SLC60A2: variants seen among roughly 807,000 people sequenced by gnomAD.
SLC60A2 encodes the protein solute carrier family 60 member 2, also known as major facilitator superfamily domain containing 4B.
At chr6:111,268,792 A>C in the SLC60A2 span, 4 of 152,250 alleles carry the variant, frequency 2.6e-5, no homozygotes, top group Non-Finnish European at 5.9e-5. Flanking sequence ...TCACCGATCC[A>C]GGGTTTCTCT....
chr6:111,259,399 C>A, the SLC60A2 span: 513 of 385,780 alleles, frequency 1.3e-3, 4 homozygotes, highest in African/African-American at 9.5e-3. Flanking sequence ...CTTCTCTGCC[C>A]CGGTTCCGGG....
chr6:111,275,330 G>C, the SLC60A2 span, among the ~76,000 whole-genome samples: 1 of 151,894 alleles, frequency 6.6e-6, no homozygotes, highest in African/African-American at 2.4e-5. Context: ...TTATGAGTTA[G>C]TTAACCAGTG....
chr6:111,259,345 C>A, the SLC60A2 span: 32 of 301,282 alleles, frequency 1.1e-4, no homozygotes, highest in Admixed American at 2.1e-4. Flanking sequence ...TGCTGGAGAG[C>A]GAGCGTCTTT....
At chr6:111,263,330 ATTG>A in the SLC60A2 span, among the ~76,000 whole-genome samples, 48 of 152,204 alleles carry the variant, frequency 3.2e-4, no homozygotes, top group African/African-American at 1.1e-3. Flanking sequence ...ATAATTTGTT[ATTG>A]TTAAGGAATT....
chr6:111,273,899 CT>C, the SLC60A2 span, among the ~76,000 whole-genome samples: 1 of 152,034 alleles, frequency 6.6e-6, no homozygotes, highest in Non-Finnish European at 1.5e-5. Context: ...TTTGTTATTT[CT>C]TTAATAGAGG....
chr6:111,276,609 C>T, the SLC60A2 span, among the ~76,000 whole-genome samples: 1 of 152,200 alleles, frequency 6.6e-6, no homozygotes, highest in South Asian at 2.1e-4. Flanking sequence ...GCTCTGTAGA[C>T]TAAGTATTAA....
the SLC60A2 span, chr6:111,277,978 C>T: frequency 1.3e-5 from 2 of 152,224 alleles, no homozygotes; most frequent in Non-Finnish European, 2.9e-5. Flanking sequence ...CATTTCTCAG[C>T]TCTTTCCCTT....
chr6:111,273,440 C>T, the SLC60A2 span, among the ~76,000 whole-genome samples: 13 of 151,798 alleles, frequency 8.6e-5, no homozygotes, highest in Non-Finnish European at 1.5e-4. Context: ...GTACTGTGTC[C>T]AGCCAGAAAA....
the SLC60A2 span, among the ~76,000 whole-genome samples, chr6:111,261,258 C>T: frequency 1.3e-5 from 2 of 152,228 alleles, no homozygotes; most frequent in South Asian, 2.1e-4. Flanking sequence ...GGAAGGACTC[C>T]ATGTGCATCC....
chr6:111,279,307 G>A, the SLC60A2 span, among the ~76,000 whole-genome samples: 7 of 151,270 alleles, frequency 4.6e-5, no homozygotes, highest in African/African-American at 1.2e-4. Flanking sequence ...TATTGCCCAG[G>A]CTGGAGTGCA....
the SLC60A2 span, chr6:111,265,971 C>G: frequency 6.2e-7 from 1 of 1,614,004 alleles, no homozygotes; most frequent in African/African-American, 1.3e-5. Context: ...CTTTTTGGCT[C>G]CACTGCTAGC....
chr6:111,279,696 A>G, the SLC60A2 span, among the ~76,000 whole-genome samples: 4 of 152,202 alleles, frequency 2.6e-5, no homozygotes, highest in African/African-American at 9.6e-5. Context: ...TTGCCCTTCT[A>G]GGCAGGTTTT....
chr6:111,264,787 CAAA>C, the SLC60A2 span, among the ~76,000 whole-genome samples: 5 of 121,006 alleles, frequency 4.1e-5, no homozygotes, highest in Admixed American at 8.2e-5. Context: ...GACTCCATCT[CAAA>C]AAAAAAAAAA....
chr6:111,276,085 T>C, the SLC60A2 span, among the ~76,000 whole-genome samples: 2 of 152,252 alleles, frequency 1.3e-5, no homozygotes, highest in African/African-American at 4.8e-5. Flanking sequence ...AGGATCATCC[T>C]TGTTGTAGCA....
chr6:111,269,752 T>C, the SLC60A2 span: 1 of 152,136 alleles, frequency 6.6e-6, no homozygotes, highest in Non-Finnish European at 1.5e-5. Flanking sequence ...ATTCACTATG[T>C]TTCCACACAC....
the SLC60A2 span, chr6:111,262,339 T>C: frequency 1.2e-6 from 2 of 1,614,194 alleles, no homozygotes; most frequent in East Asian, 2.2e-5. Context: ...CTGTCTTTCA[T>C]TTTTGTGGGT....
chr6:111,278,507 C>A, the SLC60A2 span: 1 of 152,096 alleles, frequency 6.6e-6, no homozygotes, highest in African/African-American at 2.4e-5. Context: ...GTTGGAGGGA[C>A]CTGGTGGGAG....
the SLC60A2 span, chr6:111,268,222 GTT>G: frequency 1.3e-5 from 2 of 152,202 alleles, no homozygotes; most frequent in African/African-American, 2.4e-5. Flanking sequence ...TGTACTTAAT[GTT>G]TAATACCTTA....
the SLC60A2 span, among the ~76,000 whole-genome samples, chr6:111,271,359 A>G: frequency 5.9e-5 from 9 of 152,190 alleles, no homozygotes; most frequent in Admixed American, 5.2e-4. Context: ...CAATAAAGAC[A>G]TAAAATTTTG....
Sources: gnomAD v4.1 joint callset for allele counts (sites outside exome capture counted in the v4.1 genomes callset) on GRCh38, gnomAD v4.1.1 for gene constraint, MANE v1.5 for transcripts, NCBI Gene and HGNC (gene_info 2026-07-23, HGNC 2026-07-21) for gene names.